The following ARHGAP45 variants were observed in gnomAD, a reference collection of about 807,000 sequenced individuals.
The protein encoded by ARHGAP45 is rho GTPase-activating protein 45.
Under a neutral mutation model 116.1 loss-of-function variants are expected in ARHGAP45, and 56 were observed. The ratio of observed to expected loss-of-function variants is 0.48; its 90% confidence interval spans 0.39 to 0.60. The LOEUF (loss-of-function observed/expected upper bound fraction) is 0.60. Among genes scored for constraint, ARHGAP45 ranks in the 20% least tolerant of loss-of-function variants. The pLI, the probability that ARHGAP45 is intolerant of heterozygous loss-of-function variation, is 0.00. For missense variants in ARHGAP45, 1,622 were observed against 1,601.0 expected (o/e 1.01, Z -0.22); for synonymous variants, 866 against 701.7 (o/e 1.23, Z -3.70).
rs535954433 is a variant in ARHGAP45, at chr19:1,068,363, G to C, written c.91-51G>C. ...CTTCATTTCTGGGGAAACTGAGGCC[G>C]TGTCCAGGCCGGAAAATCCCTTTAA... is the stretch of plus-strand genomic sequence containing the variant. On this transcript the variant is annotated intron_variant, in intron 1 of 22. Transcript: ENST00000313093. This position sits in a 1 kb window ranked among gnomAD's most constrained non-coding sequence, Gnocchi z 7.5. 1.5e-5 allele frequency: 22 copies of C among 1,428,234 alleles called. No individual in the cohort carries two copies. In the East Asian group the frequency reaches 5.1e-4, roughly 33 times the overall value. The allele number at this position is 1,428,234 out of a possible 1,614,324, so 88.5% of individuals were successfully genotyped here. A position where few individuals can be genotyped will look rare whatever the true frequency, so the allele number is the denominator to read the frequency against.
Position 1,068,104 on chromosome 19 carries a change from G to A in ARHGAP45, c.91-310G>A, listed in dbSNP as rs999529806. ...CCTGCGTTGTAGGAGCCTGAGGGGG[G>A]CTTGAAGGGCTGAGGACCCTCCCCA... On this transcript the variant is annotated intron_variant, in intron 1 of 22. Transcript: ENST00000313093. The surrounding 1 kb of genome is among the most constrained non-coding windows in gnomAD (Gnocchi z 7.5). Among the ~76,000 whole-genome samples the A allele has an allele frequency of 4.6e-5, 7 of 151,962 alleles. No homozygotes were observed. Among genetic ancestry groups the A allele is most frequent in the Non-Finnish European group, 8.8e-5 (6 of 67,970 alleles).
In ARHGAP45 at chr19:1,080,720, A is replaced by T; in HGVS notation, c.1951A>T (p.Thr651Ser). 1.1e-5 allele frequency: 17 copies of T among 1,613,574 alleles called. No individual in the cohort carries two copies. The highest frequency in any genetic ancestry group is 1.3e-5 in the Non-Finnish European group (15 of 1,179,964). ...KKFERTSSSG[T>S]MSSTEELVDP... ...GTTCGAGCGGACGTCATCCAGTGGT[A>T]CCATGTCGTCCACGGAGGAGCTGGT... Residue 651 changes from threonine (T) to serine (S), a missense_variant, in exon 16 of 23, where the codon ACC becomes TCC. Thr to Ser is a moderately conservative substitution (Grantham distance 58, BLOSUM62 1). Around this residue, in one of 3 missense-constraint regions of ARHGAP45, gnomAD observed 1,334 missense variants for 1,263.8 expected, o/e 1.06. Coordinates refer to ENST00000313093, the MANE Select transcript of ARHGAP45 (RefSeq NM_012292.5).
chr19:1,081,156 G>A lies in ARHGAP45; in HGVS notation c.2190+92G>A, dbSNP rs966620874. 18 of 1,388,032 alleles carry A rather than the reference G, an allele frequency of 1.3e-5. No homozygotes were observed. In the African/African-American group the frequency reaches 2.1e-4, roughly 17 times the overall value. The allele number at this position is 1,388,032 out of a possible 1,614,324, so 86.0% of individuals were successfully genotyped here. On this transcript the variant is annotated intron_variant, in intron 17 of 22. Transcript: ENST00000313093. ...GCCTGTGTGCCCTCAGGAATGTCCG[G>A]CCCAGAGCAGGGAGCAGTCGGACGC...
chr19:1,082,515 G>A (rs1200333541), intron 19 of ARHGAP45: 2 of 416,428 alleles, frequency 4.8e-6, no homozygotes, highest in African/African-American at 2.1e-5. Context: ...GCTGGGCTGG[G>A]ATGGGAGTGG....
Position 1,080,020 on chromosome 19 carries a change from C to T in ARHGAP45, c.1605C>T (p.Asp535=). 1 of 1,612,972 alleles carries T rather than the reference C, an allele frequency of 6.2e-7. No individual in the cohort carries two copies. Residue 535 remains aspartate, a synonymous_variant, in exon 13 of 23, where the codon GAC becomes GAT. Coordinates refer to ENST00000313093, the MANE Select transcript of ARHGAP45 (RefSeq NM_012292.5). ...QMLCESSKLY[D]PGQQYASHVR... ...TGTGTGAGAGCAGCAAGCTGTATGA[C>T]CCAGGCCAGCAGTACGCCTCCCACG...
chr19:1,077,251 T>C (rs2043273702), intron 10 of ARHGAP45: 2 of 985,280 alleles, frequency 2.0e-6, no homozygotes, highest in Admixed American at 6.2e-5. Context: ...TGTGCGTGTC[T>C]GCAGAGGCTG....
At chr19:1,077,129 C>T (rs1315350841) in intron 10 of ARHGAP45, 2 of 985,216 alleles carry the variant, frequency 2.0e-6, no homozygotes, top group South Asian at 4.7e-5. Flanking sequence ...ACTAAGTGCT[C>T]TTCCTGCCAA....
chr19:1,067,110 A>T, upstream of ARHGAP45: 1 of 1,055,308 alleles, frequency 9.5e-7, no homozygotes, highest in Non-Finnish European at 1.2e-6. Context: ...CCGAAGGCGG[A>T]AGCGGGGGGC....
chr19:1,067,577 TGGG>T, intron 1 of ARHGAP45, 82 bp downstream of exon 1: 1 of 1,342,744 alleles, frequency 7.4e-7, no homozygotes, highest in East Asian at 2.5e-5. Flanking sequence ...GGGCTCATGC[TGGG>T]GCGGCGGCTG....
In ARHGAP45 at chr19:1,085,733, C is replaced by T. The variant is rs1156403179; in HGVS notation, c.3138C>T (p.Ala1046=). Residue 1046 remains alanine, a synonymous_variant, in exon 23 of 23, where the codon GCC becomes GCT. Coordinates refer to ENST00000313093, the MANE Select transcript of ARHGAP45 (RefSeq NM_012292.5). ...CCGAGCTGCTGTCCTCATCGGAGGC[C>T]AGTGCCCTGGGCCACCTCAGCTTCC... ...EASELLSSSE[A]SALGHLSFLE... 1 of 1,611,452 alleles carries T rather than the reference C, an allele frequency of 6.2e-7. No homozygotes were observed. The highest frequency in any genetic ancestry group is 1.3e-5 in the African/African-American group (1 of 74,968).
chr19:1,084,878 T>C (rs2043557636), intron 22 of ARHGAP45, among the ~76,000 whole-genome samples: 1 of 152,110 alleles, frequency 6.6e-6, no homozygotes, highest in Non-Finnish European at 1.5e-5. Context: ...GGTTAGGAGT[T>C]CAAGACCAGC....
Position 1,085,726 on chromosome 19 carries a change from C to T in ARHGAP45, c.3131C>T (p.Ser1044Leu), listed in dbSNP as rs763971630. Residue 1044 changes from serine (S) to leucine (L), a missense_variant, in exon 23 of 23, where the codon TCG becomes TTG. Coordinates refer to ENST00000313093, the MANE Select transcript of ARHGAP45 (RefSeq NM_012292.5). Reference sequence around the variant, plus strand: ...GAGGCCTCCGAGCTGCTGTCCTCATCGGAGGCCAGTGCCCTGGGCCACCTC... The same window carrying T: ...GAGGCCTCCGAGCTGCTGTCCTCATTGGAGGCCAGTGCCCTGGGCCACCTC... ...LEEASELLSS[S>L]EASALGHLSF... The T allele has an allele frequency of 6.5e-5, 105 of 1,610,676 alleles. No individual in the cohort carries two copies. The highest frequency in any genetic ancestry group is 5.1e-4 in the East Asian group (23 of 44,814).
chr19:1,086,101 G>A lies in ARHGAP45; in HGVS notation c.*95G>A, dbSNP rs963638310. The A allele has an allele frequency of 5.1e-5, 60 of 1,173,802 alleles. No individual in the cohort carries two copies. The highest frequency in any genetic ancestry group is 2.2e-4 in the East Asian group (9 of 41,620). 72.7% of individuals were successfully genotyped at this position (1,173,802 alleles called of 1,614,324 possible). On this transcript the variant is annotated 3_prime_UTR_variant, in exon 23 of 23. Transcript: ENST00000313093. ...CACCACGGCATAGCTTAGGTGCGCC[G>A]TCCTGGGGTCGCTGCCGAGAGCGCC...
chr19:1,067,740 G>A, intron 1 of ARHGAP45: 1 of 678,726 alleles, frequency 1.5e-6, no homozygotes, highest in Non-Finnish European at 2.7e-6. Context: ...GGGGCCCAGG[G>A]AGCAGGAAGG....
At chr19:1,076,959 C>T in intron 10 of ARHGAP45, 2 of 897,712 alleles carry the variant, frequency 2.2e-6, no homozygotes, top group Non-Finnish European at 2.7e-6. Flanking sequence ...AAACTCCTGG[C>T]CTCAAGTGAT....
intron 2 of ARHGAP45, among the ~76,000 whole-genome samples, chr19:1,072,740 T>C (rs1309273161): frequency 2.6e-5 from 4 of 152,226 alleles, no homozygotes; most frequent in Non-Finnish European, 4.4e-5. Flanking sequence ...TTCCCCTCTC[T>C]ATGCCTCAGT....
At position 1,083,007 on chromosome 19, in the gene ARHGAP45, G is replaced by C; in HGVS notation, c.2685G>C (p.Leu895=). 1 of 1,545,826 alleles carries C rather than the reference G, an allele frequency of 6.5e-7. No homozygotes were observed. The highest frequency in any genetic ancestry group is 1.9e-5 in the Admixed American group (1 of 51,866). The change falls in exon 20 of 23, where the codon CTG becomes CTC. Residue 895 remains leucine (L), a synonymous_variant. Coordinates refer to ENST00000313093, the MANE Select transcript of ARHGAP45 (RefSeq NM_012292.5). ...VALAGRLREL[L]RDLPPENRAS... ...TGGCAGGTCGGCTGCGGGAGCTCCT[G>C]CGGGACCTGCCGCCTGAGAACCGGG...
chr19:1,072,681 C>T lies in ARHGAP45; in HGVS notation c.422-468C>T, dbSNP rs144600961. ...ATCCCTCTGCCTGGCGTTCTCACGC[C>T]TTCAGAGCTAGCGTAGATGGAAAAG... On this transcript the variant is annotated intron_variant, in intron 2 of 22. Coordinates refer to ENST00000313093, the MANE Select transcript of ARHGAP45 (RefSeq NM_012292.5). 1.6e-3 allele frequency among the ~76,000 whole-genome samples: 243 copies of T among 152,340 alleles called. 1 individual carries two copies. The highest frequency in any genetic ancestry group is 5.5e-3 in the African/African-American group (230 of 41,572).
In ARHGAP45 at chr19:1,080,466, G is replaced by A. The variant is rs1294788367; in HGVS notation, c.1831G>A (p.Gly611Arg). ...ACCAGAGACGCCTCTTTCTCCAGCC[G>A]GGCGAGGACACCAGGTTCACAAGTC... The part of the protein sequence containing the change: ...EGTPAKDHRA[G>R]RGHQVHKSWP... Residue 611 changes from glycine to arginine, a missense_variant and splice_region_variant, in exon 15 of 23, where the codon GGG becomes AGG. Transcript: ENST00000313093. The A allele has an allele frequency of 1.2e-6, 2 of 1,612,616 alleles. No homozygotes were observed. The highest frequency in any genetic ancestry group is 1.3e-5 in the African/African-American group (1 of 74,906).
Sources: allele counts gnomAD v4.1 joint callset (sites outside exome capture counted in the v4.1 genomes callset), GRCh38; gene constraint gnomAD v4.1.1; regional missense constraint gnomAD v4.1.1; non-coding constraint Gnocchi (gnomAD v3.1); transcripts MANE v1.5; gene names NCBI Gene and HGNC (gene_info 2026-07-23, HGNC 2026-07-21).